Variants in KIF16B observed in about 807,000 individuals in gnomAD.
KIF16B encodes kinesin-like protein KIF16B.
Under a neutral mutation model 156.3 loss-of-function variants are expected in KIF16B, and 98 were observed. The observed-to-expected ratio is 0.63, with a 90% CI of 0.53 to 0.74. KIF16B has a LOEUF of 0.74. Among genes scored for constraint, KIF16B ranks in the 30% least tolerant of loss-of-function variants. The pLI, the probability that KIF16B is intolerant of heterozygous loss-of-function variation, is 0.00. For missense variants in KIF16B, 1,421 were observed against 1,606.5 expected (o/e 0.88, Z 1.97); for synonymous variants, 564 against 583.7 (o/e 0.97, Z 0.49).
chr20:16,328,483 T>G (rs2063894530), intron 24 of KIF16B, among the ~76,000 whole-genome samples: 1 of 152,168 alleles, frequency 6.6e-6, no homozygotes. Flanking sequence ...AATGTCTCAT[T>G]TTCAAAATTC....
rs781505075 is a variant in KIF16B at position 16,356,462 on chromosome 20, G to A, written c.3499-10C>T. ...AGCGAGAAACCATCCGCTATCAAAGGCATGTCAGACAGGGAGAACAAAGAG... is the reference window on the plus strand; with the variant it reads ...AGCGAGAAACCATCCGCTATCAAAGACATGTCAGACAGGGAGAACAAAGAG... On this transcript the variant is annotated splice_polypyrimidine_tract_variant and intron_variant, in intron 22 of 25. Coordinates refer to ENST00000354981, the MANE Select transcript of KIF16B (RefSeq NM_024704.5). The A allele has an allele frequency of 6.2e-7, 1 of 1,613,806 alleles. No homozygotes were observed. The highest frequency in any genetic ancestry group is 2.2e-5 in the East Asian group (1 of 44,856).
chr20:16,320,531 T>C (rs1344831307), intron 24 of KIF16B, among the ~76,000 whole-genome samples: 2 of 152,022 alleles, frequency 1.3e-5, no homozygotes, highest in South Asian at 2.1e-4. Flanking sequence ...AAAAACAGAT[T>C]AGCACGCAGC....
At chr20:16,448,409 A>C (rs566286666) in intron 12 of KIF16B, among the ~76,000 whole-genome samples, 2 of 152,342 alleles carry the variant, frequency 1.3e-5, no homozygotes, top group East Asian at 3.9e-4. Context: ...AAGACAAGCC[A>C]AACTAGACAA....
chr20:16,280,958 T>G (rs557068666), intron 25 of KIF16B, among the ~76,000 whole-genome samples: 1 of 152,284 alleles, frequency 6.6e-6, no homozygotes, highest in Admixed American at 6.5e-5. Context: ...CCTTCTATTT[T>G]AATTATCAGG....
At chr20:16,380,807 T>C (rs534115708) in intron 18 of KIF16B, among the ~76,000 whole-genome samples, 1 of 152,318 alleles carries the variant, frequency 6.6e-6, no homozygotes, top group East Asian at 1.9e-4. Flanking sequence ...TGACATGTTG[T>C]GTTTTCTGTT....
intron 25 of KIF16B, among the ~76,000 whole-genome samples, chr20:16,301,179 T>C (rs2063466555): frequency 6.6e-6 from 1 of 152,246 alleles, no homozygotes; most frequent in Non-Finnish European, 1.5e-5. Context: ...CGTTTCTTTT[T>C]AGTGCTACAT....
chr20:16,406,983 G>A (rs1010863908), intron 15 of KIF16B, among the ~76,000 whole-genome samples: 19 of 152,260 alleles, frequency 1.2e-4, no homozygotes, highest in African/African-American at 4.3e-4. Flanking sequence ...TACATTTATG[G>A]TCTATTTCCA....
chr20:16,494,311 C>T lies in KIF16B; in HGVS notation c.1282G>A (p.Glu428Lys). 1 of 1,602,334 alleles carries T rather than the reference C, an allele frequency of 6.2e-7. No homozygotes were observed. The highest frequency in any genetic ancestry group is 8.5e-7 in the Non-Finnish European group (1 of 1,172,312). The change falls in exon 12 of 26, where the codon GAA becomes AAA. Residue 428 changes from glutamate to lysine, a missense_variant. Coordinates refer to ENST00000354981, the MANE Select transcript of KIF16B (RefSeq NM_024704.5). ...CTTACTTTCAAAATATTTTGGGTTT[C>T]ATTCCACTTATTTGTCCATTCCTTG... The part of the protein sequence containing the change: ...LTKEWTNKWN[E>K]TQNILKEQTL...
intron 6 of KIF16B, among the ~76,000 whole-genome samples, chr20:16,508,960 T>A (rs2068873729): frequency 6.6e-6 from 1 of 152,184 alleles, no homozygotes; most frequent in African/African-American, 2.4e-5. Context: ...CCCGTCCCTA[T>A]GCTATAGCTC....
chr20:16,419,924 G>T (rs563706772), intron 15 of KIF16B, among the ~76,000 whole-genome samples: 1 of 152,140 alleles, frequency 6.6e-6, no homozygotes, highest in Admixed American at 6.6e-5. Context: ...CAAGTTTTAT[G>T]GACTAGTATT....
chr20:16,532,477 CA>C (rs1291355117), intron 1 of KIF16B, among the ~76,000 whole-genome samples: 4 of 152,168 alleles, frequency 2.6e-5, no homozygotes, highest in Non-Finnish European at 5.9e-5. Flanking sequence ...ATTGTGGACC[CA>C]AAAGTAAGAA....
chr20:16,499,549 T>C (rs958908279), intron 10 of KIF16B, among the ~76,000 whole-genome samples: 1 of 152,094 alleles, frequency 6.6e-6, no homozygotes, highest in Non-Finnish European at 1.5e-5. Context: ...TGGTACTTAA[T>C]AAATATTTTT....
At chr20:16,277,708 A>G (rs2063084282) in intron 25 of KIF16B, among the ~76,000 whole-genome samples, 1 of 152,132 alleles carries the variant, frequency 6.6e-6, no homozygotes, top group Admixed American at 6.6e-5. Flanking sequence ...CACGCTTTAT[A>G]AAAGAGCATT....
chr20:16,474,092 G>C (rs2067739456), intron 12 of KIF16B, among the ~76,000 whole-genome samples: 1 of 152,158 alleles, frequency 6.6e-6, no homozygotes. Flanking sequence ...CAGGCCATCA[G>C]AAAGTCCTTC....
At chr20:16,325,928 A>C (rs2063840060) in intron 24 of KIF16B, among the ~76,000 whole-genome samples, 1 of 152,184 alleles carries the variant, frequency 6.6e-6, no homozygotes, top group Admixed American at 6.5e-5. Flanking sequence ...CCAAAACAGC[A>C]TGTTACTGGT....
At chr20:16,283,082 C>A (rs143261799) in intron 25 of KIF16B, among the ~76,000 whole-genome samples, 54 of 152,286 alleles carry the variant, frequency 3.5e-4, no homozygotes, top group African/African-American at 1.3e-3. Flanking sequence ...CTTTTCCCAG[C>A]CTCTGTCAGT....
intron 10 of KIF16B, among the ~76,000 whole-genome samples, chr20:16,503,651 A>G (rs1335549374): frequency 1.3e-5 from 2 of 152,198 alleles, no homozygotes; most frequent in Admixed American, 6.5e-5. Context: ...TCAACATTTA[A>G]AAAAGCTATC....
At chr20:16,351,715 A>T (rs528167043) in intron 23 of KIF16B, among the ~76,000 whole-genome samples, 43 of 152,314 alleles carry the variant, frequency 2.8e-4, no homozygotes, top group African/African-American at 9.6e-4. Context: ...TCCCAGACGG[A>T]TGTGCTACTA....
chr20:16,295,617 A>C (rs1464153259), intron 25 of KIF16B, among the ~76,000 whole-genome samples: 1 of 151,880 alleles, frequency 6.6e-6, no homozygotes, highest in Non-Finnish European at 1.5e-5. Context: ...TTCTCCCAAG[A>C]AACATTAGGC....
Sources: gnomAD v4.1 joint callset for allele counts (sites outside exome capture counted in the v4.1 genomes callset) on GRCh38, gnomAD v4.1.1 for gene constraint, MANE v1.5 for transcripts, NCBI Gene and HGNC (gene_info 2026-07-23, HGNC 2026-07-21) for gene names.